The following MAPKBP1 variants were observed in gnomAD, a reference collection of about 807,000 sequenced individuals.
MAPKBP1 encodes mitogen-activated protein kinase binding protein 1.
MAPKBP1 carries 71 observed loss-of-function variants against 170.5 expected under a neutral mutation model. That is an observed-to-expected ratio of 0.42 (90% CI 0.34 to 0.51). The LOEUF is 0.51. Ranked by LOEUF, MAPKBP1 falls within the 20% of genes least tolerant of loss-of-function variation. The pLI, the probability that MAPKBP1 is intolerant of heterozygous loss-of-function variation, is 0.06. For synonymous variants in MAPKBP1, 719 were observed against 757.9 expected (o/e 0.95, Z 0.84); for missense variants, 1,598 against 1,933.0 (o/e 0.83, Z 3.25).
At position 41,827,547 on chromosome 15, in the gene MAPKBP1, T is replaced by A. The variant is rs544736576; in HGVS notation, c.*2111T>A. On this transcript the variant is annotated 3_prime_UTR_variant, in exon 31 of 31. Transcript: ENST00000457542. ...GCCAGGTCCTTCACGAGGAGGGAGCTACCCTTCGCCAGAAGTTTGTGAGAA... is the reference window on the plus strand; with the variant it reads ...GCCAGGTCCTTCACGAGGAGGGAGCAACCCTTCGCCAGAAGTTTGTGAGAA... 6.6e-6 allele frequency: 1 copy of A among 152,434 alleles called. No individual in the cohort carries two copies. Among genetic ancestry groups the A allele is most frequent in the East Asian group, 1.9e-4 (1 of 5,156 alleles). 9.4% of individuals were successfully genotyped at this position (152,434 alleles called of 1,614,324 possible). A position where few individuals can be genotyped will look rare whatever the true frequency, so the allele number is the denominator to read the frequency against.
At chr15:41,806,793 A>G (rs926878991) in intron 3 of MAPKBP1, among the ~76,000 whole-genome samples, 4 of 152,144 alleles carry the variant, frequency 2.6e-5, no homozygotes, top group Non-Finnish European at 4.4e-5. Flanking sequence ...GGAGAGAAAG[A>G]TTGATACAAA....
intron 8 of MAPKBP1, chr15:41,813,351 A>C: frequency 1.3e-6 from 2 of 1,526,738 alleles, no homozygotes; most frequent in Non-Finnish European, 1.8e-6. Flanking sequence ...CTTCACAGTA[A>C]GTGGTGCCTG....
chr15:41,814,356 C>A (rs1810645862), intron 9 of MAPKBP1, among the ~76,000 whole-genome samples, 194 bp from the exon 10 acceptor site: 1 of 152,234 alleles, frequency 6.6e-6, no homozygotes, highest in South Asian at 2.1e-4. Context: ...TTCATCCGAA[C>A]ACCATGGCCC....
intron 21 of MAPKBP1, 38 bp from the exon 22 acceptor site, chr15:41,819,557 G>GGGGGGGGGGGGGGGGGGGGGGCCCCC: frequency 7.2e-7 from 1 of 1,384,690 alleles, no homozygotes. Flanking sequence ...CGGGGGGGGG[G>GGGGGGGGGGGGGGGGGGGGGGCCCCC]CAGGAGACAC....
intron 2 of MAPKBP1, among the ~76,000 whole-genome samples, chr15:41,789,787 A>T (rs1440398644): frequency 1.3e-5 from 2 of 152,274 alleles, no homozygotes; most frequent in Middle Eastern, 3.4e-3. Flanking sequence ...TGTTAATGTT[A>T]AATATAGCAT....
At position 41,821,671 on chromosome 15, in the gene MAPKBP1, G is replaced by C; in HGVS notation, c.2806G>C (p.Ala936Pro). ...RLLSQEEGVF[A>P]QDLEPAPIED... is the part of the protein sequence containing the mutation. Reference sequence around the variant, plus strand: ...ATTGTCACAAGAGGAAGGGGTCTTTGCCCAAGATCTGGAACCTGCACCCAT... The same window carrying C: ...ATTGTCACAAGAGGAAGGGGTCTTTCCCCAAGATCTGGAACCTGCACCCAT... Residue 936 changes from alanine to proline, a missense_variant, in exon 24 of 31, where the codon GCC (alanine) becomes CCC (proline). Ala to Pro is a conservative substitution (Grantham distance 27). Around this residue, in one of 6 missense-constraint regions of MAPKBP1, gnomAD observed 942 missense variants for 953.2 expected, o/e 0.99. Coordinates refer to ENST00000457542, the MANE Select transcript of MAPKBP1 (RefSeq NM_014994.3). 6.2e-7 allele frequency: 1 copy of C among 1,614,094 alleles called. No individual in the cohort carries two copies.
At chr15:41,789,537 A>G (rs987442942) in intron 2 of MAPKBP1, among the ~76,000 whole-genome samples, 4 of 152,048 alleles carry the variant, frequency 2.6e-5, no homozygotes, top group African/African-American at 9.7e-5. Context: ...CTCTTCCTCC[A>G]TCTGCATACG....
At chr15:41,819,843 C>G (rs576635723) in intron 22 of MAPKBP1, among the ~76,000 whole-genome samples, 193 bp downstream of exon 22, 116 of 152,246 alleles carry the variant, frequency 7.6e-4, no homozygotes, top group Middle Eastern at 6.8e-3. Context: ...GTGAAGAAAG[C>G]CCAGGTATTT....
chr15:41,780,115 A>G (rs2064160243), intron 2 of MAPKBP1, among the ~76,000 whole-genome samples: 1 of 152,060 alleles, frequency 6.6e-6, no homozygotes. Context: ...CCTCTCACCT[A>G]CTTGGCCTCA....
chr15:41,782,995 CTG>C (rs1465169593), intron 2 of MAPKBP1, among the ~76,000 whole-genome samples: 3 of 152,178 alleles, frequency 2.0e-5, no homozygotes, highest in African/African-American at 7.2e-5. Context: ...TTGTCAGAAA[CTG>C]TGCAACCTTG....
At chr15:41,808,446 CAG>C (rs894609362) in intron 3 of MAPKBP1, among the ~76,000 whole-genome samples, 1 of 150,908 alleles carries the variant, frequency 6.6e-6, no homozygotes, top group African/African-American at 2.4e-5. Flanking sequence ...CGATGGGGTG[CAG>C]AGTTTCCAGA....
intron 27 of MAPKBP1, 115 bp from the exon 28 acceptor site, chr15:41,822,824 A>G (rs897696191): frequency 2.0e-6 from 3 of 1,471,550 alleles, no homozygotes; most frequent in African/African-American, 1.4e-5. Flanking sequence ...CCCCAGCCCT[A>G]TCTGGCTTTG....
chr15:41,805,486 G>T (rs2064674298), intron 3 of MAPKBP1, among the ~76,000 whole-genome samples: 1 of 152,250 alleles, frequency 6.6e-6, no homozygotes, highest in Non-Finnish European at 1.5e-5. Flanking sequence ...CTGGGTGAGT[G>T]CCCTGCGCAC....
chr15:41,799,613 A>C (rs988282191), intron 2 of MAPKBP1, among the ~76,000 whole-genome samples: 3 of 152,148 alleles, frequency 2.0e-5, no homozygotes, highest in Non-Finnish European at 4.4e-5. Context: ...AGCCCTGCCG[A>C]AAATAGGTGA....
At chr15:41,822,148 G>A (rs2065008860) in intron 25 of MAPKBP1, 38 bp downstream of exon 25, 1 of 1,590,310 alleles carries the variant, frequency 6.3e-7, no homozygotes, top group Non-Finnish European at 8.6e-7. Context: ...CATGGGGGGT[G>A]GGGCCTGGAG....
chr15:41,794,594 A>G (rs2064453230), intron 2 of MAPKBP1, among the ~76,000 whole-genome samples: 2 of 152,262 alleles, frequency 1.3e-5, no homozygotes, highest in South Asian at 4.1e-4. Context: ...TACTTTGTGG[A>G]GAACAACTTT....
At chr15:41,814,204 C>T (rs1172684272) in intron 9 of MAPKBP1, among the ~76,000 whole-genome samples, 8 of 152,274 alleles carry the variant, frequency 5.3e-5, no homozygotes, top group Admixed American at 1.3e-4. Context: ...ATGGGAAAGG[C>T]GGTGTTTGGT....
chr15:41,801,479 T>C (rs976727551), intron 3 of MAPKBP1, among the ~76,000 whole-genome samples: 6 of 152,210 alleles, frequency 3.9e-5, no homozygotes, highest in African/African-American at 1.4e-4. Context: ...TTCCCCAATG[T>C]AATTTTCATA....
At chr15:41,787,748 A>C (rs947476140) in intron 2 of MAPKBP1, among the ~76,000 whole-genome samples, 1 of 152,070 alleles carries the variant, frequency 6.6e-6, no homozygotes, top group Non-Finnish European at 1.5e-5. Context: ...CAGGGATAAG[A>C]GTGTTCTGTT....
Sources: gnomAD v4.1 joint callset for allele counts (sites outside exome capture counted in the v4.1 genomes callset) on GRCh38, gnomAD v4.1.1 for gene constraint, gnomAD v4.1.1 regional missense constraint, MANE v1.5 for transcripts, NCBI Gene and HGNC (gene_info 2026-07-23, HGNC 2026-07-21) for gene names.